Variants in PUM2 observed in about 807,000 individuals in gnomAD.
The protein encoded by PUM2 is pumilio homolog 2.
Under a neutral mutation model 124.5 loss-of-function variants are expected in PUM2, and 57 were observed. The observed-to-expected ratio is 0.46, with a 90% CI of 0.37 to 0.57. The LOEUF is 0.57. PUM2 is among the 20% of genes least tolerant of loss of function. PUM2 has a pLI of 0.00. For synonymous variants in PUM2, 460 were observed against 446.1 expected (o/e 1.03, Z -0.39); for missense variants, 1,065 against 1,290.6 (o/e 0.83, Z 2.68).
rs1670846064 is a variant in PUM2 at position 20,278,789 on chromosome 2, C to G, written c.1751G>C (p.Arg584Thr). 6.2e-7 allele frequency: 1 copy of G among 1,613,022 alleles called. No individual in the cohort carries two copies. Among genetic ancestry groups the G allele is most frequent in the Admixed American group, 1.7e-5 (1 of 59,910 alleles). ...VGSSASSSAT[R>T]RESLSTSSDL... is the part of the protein sequence containing the mutation. The stretch of plus-strand genomic sequence containing the variant: ...AGAGCTAGTAGATAGAGACTCTCTC[C>G]TTGTGGCACTACTACTTGCAGAACT... Residue 584 changes from arginine (R) to threonine (T), a missense_variant, in exon 13 of 21, where the codon AGG (arginine) becomes ACG (threonine). Transcript: ENST00000361078.
intron 13 of PUM2, among the ~76,000 whole-genome samples, chr2:20,275,675 A>G (rs1172531431): frequency 6.6e-6 from 1 of 152,084 alleles, no homozygotes; most frequent in Admixed American, 6.6e-5. Flanking sequence ...TAAACCAACC[A>G]ACCCATAAAT....
Position 20,322,990 on chromosome 2 carries a change from A to C in PUM2, c.51+4320T>G, listed in dbSNP as rs1351272557. Among the ~76,000 whole-genome samples the C allele has an allele frequency of 5.9e-5, 9 of 152,326 alleles. No homozygotes were observed. In the East Asian group the frequency reaches 1.3e-3, roughly 23 times the overall value. On this transcript the variant is annotated intron_variant, in intron 2 of 20. Transcript: ENST00000361078. ...CTTGGTATCAACAGCAAACATTACT[A>C]AATGTCATCACTTCCAACAGGAAGT...
At chr2:20,310,690 A>G (rs1447324066) in intron 5 of PUM2, among the ~76,000 whole-genome samples, 1 of 151,734 alleles carries the variant, frequency 6.6e-6, no homozygotes, top group Non-Finnish European at 1.5e-5. Flanking sequence ...ATGTAAAAGT[A>G]TACCACCCAC....
intron 3 of PUM2, among the ~76,000 whole-genome samples, chr2:20,312,819 T>C (rs1010818650): frequency 1.1e-4 from 17 of 152,140 alleles, no homozygotes; most frequent in African/African-American, 2.9e-4. Context: ...TTTCAAACTA[T>C]ACTACAAGGC....
intron 9 of PUM2, among the ~76,000 whole-genome samples, chr2:20,292,541 T>C (rs1180193208): frequency 6.6e-6 from 1 of 152,094 alleles, no homozygotes; most frequent in Admixed American, 6.6e-5. Context: ...TTTTTGTATT[T>C]AGTAGAGACG....
chr2:20,272,115 C>T (rs1406624188), intron 13 of PUM2, among the ~76,000 whole-genome samples: 3 of 152,002 alleles, frequency 2.0e-5, no homozygotes, highest in African/African-American at 4.8e-5. Flanking sequence ...TGAAATCGCA[C>T]CATTGCACTC....
chr2:20,307,798 T>G (rs188751137), intron 7 of PUM2, among the ~76,000 whole-genome samples, 180 bp downstream of exon 7: 112 of 152,342 alleles, frequency 7.4e-4, no homozygotes, highest in Admixed American at 1.7e-3. Context: ...AAACCAGTGA[T>G]GCAAATAATA....
In PUM2 at chr2:20,265,567, G is replaced by T. The variant is rs1437858462; in HGVS notation, c.1958-2107C>A. On this transcript the variant is annotated intron_variant, in intron 13 of 20. Transcript: ENST00000361078. Reference sequence around the variant, plus strand: ...TCTTTGCCCTTTTAGAAGGGCAGGGGTGCTTTGCTTATCATTTCAATTTGG... The same window carrying T: ...TCTTTGCCCTTTTAGAAGGGCAGGGTTGCTTTGCTTATCATTTCAATTTGG... 2.0e-5 allele frequency among the ~76,000 whole-genome samples: 3 copies of T among 152,192 alleles called. No homozygotes were observed. The East Asian group carries it at 5.8e-4, about 29-fold the overall frequency.
intron 10 of PUM2, among the ~76,000 whole-genome samples, chr2:20,290,289 T>A (rs1351577872): frequency 1.3e-5 from 2 of 152,232 alleles, no homozygotes; most frequent in Non-Finnish European, 2.9e-5. Context: ...TAAAAGATTA[T>A]TCTTATAAAG....
chr2:20,289,056 G>A lies in PUM2; in HGVS notation c.1291+1596C>T, dbSNP rs140266274. 6.5e-3 allele frequency among the ~76,000 whole-genome samples: 996 copies of A among 152,228 alleles called. 6 individuals are homozygous for A. The highest frequency in any genetic ancestry group is 0.022 in the African/African-American group (921 of 41,540). On this transcript the variant is annotated intron_variant, in intron 10 of 20. Coordinates refer to ENST00000361078, the MANE Select transcript of PUM2 (RefSeq NM_015317.5). ...ATCTGTAATCCCAGCACTTTGGGAG[G>A]CCAAGGTGGGTGGATCATGAGGTCA...
chr2:20,331,076 C>T (rs1684802451), intron 1 of PUM2, among the ~76,000 whole-genome samples: 1 of 151,440 alleles, frequency 6.6e-6, no homozygotes, highest in Admixed American at 6.6e-5. Flanking sequence ...GTGGGATTTG[C>T]TAACACAGCC....
chr2:20,308,518 A>G lies in PUM2; in HGVS notation c.585T>C (p.Asn195=). The change falls in exon 6 of 21, where the codon AAT becomes AAC. Residue 195 remains asparagine (N), a synonymous_variant. Transcript: ENST00000361078. ...GAAGAGGCCCCAGTCCTTCTGAGGG[A>G]TTAGTATTGGGGCCCAAGCGCTCAA... The part of the protein sequence containing the change: ...EVVERLGPNT[N]PSEGLGPLPN... 6.2e-7 allele frequency: 1 copy of G among 1,614,128 alleles called. No individual in the cohort carries two copies. The highest frequency in any genetic ancestry group is 8.5e-7 in the Non-Finnish European group (1 of 1,179,968).
At chr2:20,254,042 TTTG>T in intron 19 of PUM2, 28 bp from the exon 20 acceptor site, 1 of 1,570,826 alleles carries the variant, frequency 6.4e-7, no homozygotes, top group Non-Finnish European at 8.7e-7. Context: ...TAAACAAAGA[TTTG>T]TTATTTTTTT....
rs1489005980 is a variant in PUM2, at chr2:20,312,329, T to C, written c.255A>G (p.Ser85=). Residue 85 remains serine (S), a synonymous_variant, in exon 4 of 21, where the codon TCA becomes TCG. Transcript: ENST00000361078. The stretch of plus-strand genomic sequence containing the variant: ...TGCTCACACCAAGGCCTCCACTTTC[T>C]GATCGCGGAGACAGTATTGCATTTA... The part of the protein sequence containing the change: ...SEVNAILSPR[S]ESGGLGVSMV... 2.2e-5 allele frequency: 36 copies of C among 1,613,360 alleles called. No individual in the cohort carries two copies. The highest frequency in any genetic ancestry group is 3.1e-5 in the Non-Finnish European group (36 of 1,179,456).
At chr2:20,264,131 G>GT (rs924187070) in intron 13 of PUM2, among the ~76,000 whole-genome samples, 7 of 151,202 alleles carry the variant, frequency 4.6e-5, no homozygotes, top group African/African-American at 1.7e-4. Flanking sequence ...GAGGTCAGGA[G>GT]TTTGAGACCA....
At chr2:20,294,259 G>A in intron 9 of PUM2, 117 bp downstream of exon 9, 1 of 1,114,204 alleles carries the variant, frequency 9.0e-7, no homozygotes, top group Non-Finnish European at 1.3e-6. Flanking sequence ...TCAACTGTAT[G>A]CCAGGAGTCG....
rs1572942226 is a variant in PUM2, at chr2:20,326,123, C to T, written c.51+1187G>A. On this transcript the variant is annotated intron_variant, in intron 2 of 20. Coordinates refer to ENST00000361078, the MANE Select transcript of PUM2 (RefSeq NM_015317.5). ...ATAAATAATGCCTAACCAGATATTG[C>T]ACTGCAGTGAAGCTACAGATTTTGT... is the stretch of plus-strand genomic sequence containing the variant. 7.7e-6 allele frequency: 5 copies of T among 652,456 alleles called. No individual in the cohort carries two copies. The East Asian group carries it at 2.7e-4, about 35-fold the overall frequency. The allele number at this position is 652,456 out of a possible 1,614,324, so 40.4% of individuals were successfully genotyped here. A position where few individuals can be genotyped will look rare whatever the true frequency, so the allele number is the denominator to read the frequency against.
intron 16 of PUM2, among the ~76,000 whole-genome samples, chr2:20,256,961 T>C (rs1228910326): frequency 1.4e-5 from 2 of 143,062 alleles, no homozygotes; most frequent in Non-Finnish European, 3.0e-5. Context: ...GGAGAATCAC[T>C]TGAACCTGGG....
chr2:20,253,210 C>T (rs1663885710), intron 20 of PUM2, among the ~76,000 whole-genome samples: 1 of 152,042 alleles, frequency 6.6e-6, no homozygotes. Context: ...TTTTGAATGA[C>T]TGATTTATTT....
Sources: allele counts gnomAD v4.1 joint callset (sites outside exome capture counted in the v4.1 genomes callset), GRCh38; gene constraint gnomAD v4.1.1; transcripts MANE v1.5; gene names NCBI Gene and HGNC (gene_info 2026-07-23, HGNC 2026-07-21).